The following PPP1R1C variants were observed in gnomAD, a reference collection of about 807,000 sequenced individuals.
The protein encoded by PPP1R1C is protein phosphatase 1 regulatory inhibitor subunit 1C.
Under a neutral mutation model 17.4 loss-of-function variants are expected in PPP1R1C, and 15 were observed. The ratio of observed to expected loss-of-function variants is 0.86; its 90% confidence interval spans 0.58 to 1.33. PPP1R1C has a LOEUF of 1.33. Ranked by LOEUF, PPP1R1C falls within the 40% of genes most tolerant of loss-of-function variation. PPP1R1C has a pLI of 0.00. For missense variants in PPP1R1C, 143 were observed against 130.0 expected (o/e 1.10, Z -0.48); for synonymous variants, 35 against 43.1 (o/e 0.81, Z 0.73).
In PPP1R1C at chr2:182,052,217, T is replaced by C. The variant is rs140611959; in HGVS notation, c.143-9225T>C. 2.6e-3 allele frequency among the ~76,000 whole-genome samples: 390 copies of C among 152,324 alleles called. 2 individuals are homozygous for C. Among genetic ancestry groups the C allele is most frequent in the African/African-American group, 8.9e-3 (370 of 41,572 alleles). ...GGCTCCAGGTAATTCAGGAAATTTC[T>C]CTAACCTCTTTCCTAGGATTAGTTT... On this transcript the variant is annotated intron_variant, in intron 2 of 4. Transcript: ENST00000682840.
At chr2:182,015,950 T>G (rs541665474) in intron 2 of PPP1R1C, among the ~76,000 whole-genome samples, 28 of 152,304 alleles carry the variant, frequency 1.8e-4, no homozygotes, top group Admixed American at 1.0e-3. Context: ...GCACCCCATG[T>G]GTGCGTGTGC....
At chr2:181,986,485 A>G (rs888236502) in intron 1 of PPP1R1C, among the ~76,000 whole-genome samples, 11 of 152,216 alleles carry the variant, frequency 7.2e-5, no homozygotes, top group Non-Finnish European at 1.5e-4. Context: ...GCTCATTAAA[A>G]TAACAGTTTC....
intron 2 of PPP1R1C, among the ~76,000 whole-genome samples, chr2:182,039,197 A>G (rs16822366): frequency 0.038 from 5,817 of 152,320 alleles, 384 homozygotes; most frequent in Admixed American, 0.18. Context: ...TAGGATGAGA[A>G]ATATGAACTT....
At position 181,961,588 on chromosome 2, in the gene PPP1R1C, T is replaced by G; in HGVS notation, n.111+6954T>G. On this transcript the variant is annotated intron_variant and non_coding_transcript_variant, in intron 1 of 5. Transcript: ENST00000464264. This position sits in a 1 kb window ranked among gnomAD's most constrained non-coding sequence, Gnocchi z 5.8. Reference sequence around the variant, plus strand: ...TAAGGACTGGACTGTACGTCTCAGCTCCGTGAGCGTCATCTCAGCATCTCC... The same window carrying G: ...TAAGGACTGGACTGTACGTCTCAGCGCCGTGAGCGTCATCTCAGCATCTCC... 4.0e-6 allele frequency: 3 copies of G among 741,148 alleles called. No homozygotes were observed. Among genetic ancestry groups the G allele is most frequent in the Non-Finnish European group, 7.3e-6 (3 of 413,406 alleles). The allele number at this position is 741,148 out of a possible 1,614,324, so 45.9% of individuals were successfully genotyped here. A position where few individuals can be genotyped will look rare whatever the true frequency, so the allele number is the denominator to read the frequency against.
At chr2:182,019,513 A>G (rs1246819755) in intron 2 of PPP1R1C, among the ~76,000 whole-genome samples, 2 of 152,190 alleles carry the variant, frequency 1.3e-5, no homozygotes, top group Non-Finnish European at 2.9e-5. Flanking sequence ...TGTTTGTTCA[A>G]AAATGATTAT....
At chr2:182,001,253 T>C (rs778039208) in intron 2 of PPP1R1C, among the ~76,000 whole-genome samples, 14 of 152,182 alleles carry the variant, frequency 9.2e-5, no homozygotes, top group Non-Finnish European at 1.6e-4. Context: ...GAGATAGGCA[T>C]CACAGGTAAT....
At chr2:182,037,869 C>A (rs1200434893) in intron 2 of PPP1R1C, among the ~76,000 whole-genome samples, 3 of 152,086 alleles carry the variant, frequency 2.0e-5, no homozygotes, top group African/African-American at 7.2e-5. Context: ...TTTATTTCTA[C>A]ACTTTTATTA....
At chr2:181,999,334 A>G (rs147101682) in intron 2 of PPP1R1C, among the ~76,000 whole-genome samples, 3 of 152,330 alleles carry the variant, frequency 2.0e-5, no homozygotes, top group East Asian at 3.9e-4. Context: ...CATTTGTTCT[A>G]TAATACATGT....
intron 2 of PPP1R1C, among the ~76,000 whole-genome samples, chr2:182,032,043 A>G (rs987315902): frequency 1.3e-5 from 2 of 152,186 alleles, no homozygotes; most frequent in Admixed American, 1.3e-4. Context: ...TTATTTTTGC[A>G]TTGGTAGAAG....
chr2:182,090,675 C>T (rs1263096940), intron 4 of PPP1R1C, among the ~76,000 whole-genome samples: 8 of 152,044 alleles, frequency 5.3e-5, no homozygotes, highest in Admixed American at 5.2e-4. Context: ...AACGACATTC[C>T]AGCAATTTCC....
At chr2:181,956,019 A>G (rs1329879043) in intron 1 of PPP1R1C, among the ~76,000 whole-genome samples, 1 of 151,934 alleles carries the variant, frequency 6.6e-6, no homozygotes, top group African/African-American at 2.4e-5. Context: ...TCCTAATGCT[A>G]TCCCTCCCCT....
At chr2:182,058,072 C>T (rs911650294) in intron 2 of PPP1R1C, among the ~76,000 whole-genome samples, 4 of 151,876 alleles carry the variant, frequency 2.6e-5, no homozygotes, top group African/African-American at 9.7e-5. Flanking sequence ...ATTAATAACC[C>T]AATAATGATT....
In PPP1R1C at chr2:182,049,329, T is replaced by A. The variant is rs1687438411; in HGVS notation, c.143-12113T>A. ...GTCTGGGTAACAGAATGAGATTCCATCTCAAAAAAAAAAAAAAAAAAATCT... is the reference window on the plus strand; with the variant it reads ...GTCTGGGTAACAGAATGAGATTCCAACTCAAAAAAAAAAAAAAAAAAATCT... On this transcript the variant is annotated intron_variant, in intron 2 of 4. Transcript: ENST00000682840. 2.7e-5 allele frequency among the ~76,000 whole-genome samples: 3 copies of A among 109,144 alleles called. 1 individual carries two copies. Among genetic ancestry groups the A allele is most frequent in the Non-Finnish European group, 3.7e-5 (2 of 54,356 alleles). 71.6% of individuals were successfully genotyped at this position (109,144 alleles called of 152,430 possible). A position where few individuals can be genotyped will look rare whatever the true frequency, so the allele number is the denominator to read the frequency against.
chr2:182,051,144 TA>T (rs1687504297), intron 2 of PPP1R1C, among the ~76,000 whole-genome samples: 2 of 151,992 alleles, frequency 1.3e-5, no homozygotes, highest in Non-Finnish European at 2.9e-5. Flanking sequence ...AACAGAAGAG[TA>T]AAAGAAGTGG....
chr2:182,064,157 A>T (rs1272675524), intron 4 of PPP1R1C: 1 of 225,542 alleles, frequency 4.4e-6, no homozygotes. Flanking sequence ...GGCTAAAGCA[A>T]AGCAGAATAA....
At chr2:182,039,073 A>G (rs962424857) in intron 2 of PPP1R1C, among the ~76,000 whole-genome samples, 2 of 152,154 alleles carry the variant, frequency 1.3e-5, no homozygotes, top group African/African-American at 4.8e-5. Context: ...CTTCCACACA[A>G]TTCTAAACTT....
intron 2 of PPP1R1C, among the ~76,000 whole-genome samples, chr2:182,011,142 G>A (rs1047253869): frequency 6.6e-6 from 1 of 152,078 alleles, no homozygotes; most frequent in Non-Finnish European, 1.5e-5. Flanking sequence ...CATAGGATGA[G>A]TTTGGAAGCA....
chr2:181,987,774 C>G, intron 1 of PPP1R1C, 65 bp from the exon 2 acceptor site: 1 of 1,536,072 alleles, frequency 6.5e-7, no homozygotes, highest in Non-Finnish European at 9.0e-7. Flanking sequence ...GCTTTGCAAG[C>G]TGCAGAGTAA....
intron 2 of PPP1R1C, among the ~76,000 whole-genome samples, chr2:182,016,504 G>C (rs1380490619): frequency 6.6e-6 from 1 of 152,154 alleles, no homozygotes; most frequent in Non-Finnish European, 1.5e-5. Flanking sequence ...CTGGAATATA[G>C]TGTAGTATTA....
Sources: allele counts gnomAD v4.1 joint callset (sites outside exome capture counted in the v4.1 genomes callset), GRCh38; gene constraint gnomAD v4.1.1; non-coding constraint Gnocchi (gnomAD v3.1); transcripts MANE v1.5; gene names NCBI Gene and HGNC (gene_info 2026-07-23, HGNC 2026-07-21).